SORCS2: variants seen among roughly 807,000 people sequenced by gnomAD.
The protein encoded by SORCS2 is VPS10 domain-containing receptor SorCS2.
In SORCS2, 100 loss-of-function variants were observed where a neutral mutation model predicts 141.6. That is an observed-to-expected ratio of 0.71 (90% CI 0.60 to 0.83). The LOEUF is 0.83. Ranked by LOEUF, SORCS2 falls within the 40% of genes least tolerant of loss-of-function variation. The probability of loss-of-function intolerance (pLI) is 0.00; values close to 1 mark genes in which losing one functional copy is unlikely to be tolerated. For synonymous variants in SORCS2, 789 were observed against 676.9 expected (o/e 1.17, Z -2.57); for missense variants, 1,646 against 1,560.2 (o/e 1.05, Z -0.93).
At chr4:7,479,670 G>T (rs1406379021) in intron 2 of SORCS2, among the ~76,000 whole-genome samples, 4 of 149,984 alleles carry the variant, frequency 2.7e-5, no homozygotes, top group Non-Finnish European at 5.9e-5. Flanking sequence ...TGCATCGGGG[G>T]GCCGTGTCCC....
intron 1 of SORCS2, among the ~76,000 whole-genome samples, 168 bp from the exon 2 acceptor site, chr4:7,396,120 C>G (rs994882755): frequency 2.6e-5 from 4 of 152,202 alleles, no homozygotes; most frequent in Non-Finnish European, 2.9e-5. Context: ...TCTAAGGGCT[C>G]TCATGTAGGG....
intron 3 of SORCS2, among the ~76,000 whole-genome samples, chr4:7,620,932 G>GC (rs1312078459): frequency 1.3e-5 from 2 of 152,102 alleles, no homozygotes; most frequent in African/African-American, 2.4e-5. Context: ...GCCCCCGAGT[G>GC]CCCCCCAAGT....
At chr4:7,725,026 GTGA>G in intron 19 of SORCS2, 125 bp from the exon 20 acceptor site, 1 of 927,456 alleles carries the variant, frequency 1.1e-6, no homozygotes, top group Non-Finnish European at 1.6e-6. Context: ...GGTGGTGGTG[GTGA>G]TGATAGTGGT....
At chr4:7,406,260 G>T (rs993508323) in intron 2 of SORCS2, among the ~76,000 whole-genome samples, 1 of 150,284 alleles carries the variant, frequency 6.7e-6, no homozygotes, top group Non-Finnish European at 1.5e-5. Flanking sequence ...AATGAGTTTG[G>T]AAGTATTCCC....
At chr4:7,317,860 G>A (rs1046636778) in intron 1 of SORCS2, among the ~76,000 whole-genome samples, 7 of 152,126 alleles carry the variant, frequency 4.6e-5, no homozygotes, top group Non-Finnish European at 8.8e-5. Flanking sequence ...CCGAGAACCC[G>A]GTGAGGGCCA....
intron 1 of SORCS2, among the ~76,000 whole-genome samples, chr4:7,311,856 CT>C (rs1560183404): frequency 1.3e-5 from 2 of 151,652 alleles, no homozygotes; most frequent in East Asian, 1.9e-4. Flanking sequence ...CTTTTTCATT[CT>C]TTTTTTAGTT....
chr4:7,688,984 T>A (rs1432234384), intron 10 of SORCS2, among the ~76,000 whole-genome samples: 1 of 152,166 alleles, frequency 6.6e-6, no homozygotes, highest in Non-Finnish European at 1.5e-5. Flanking sequence ...CCAGGGATAC[T>A]GTGGTCACAT....
intron 1 of SORCS2, among the ~76,000 whole-genome samples, chr4:7,299,154 G>A (rs1201033977): frequency 2.0e-5 from 3 of 152,262 alleles, no homozygotes; most frequent in Non-Finnish European, 4.4e-5. Flanking sequence ...GGATGAATAG[G>A]GATGCTTTGC....
chr4:7,527,109 G>A (rs767754220), intron 2 of SORCS2, among the ~76,000 whole-genome samples: 26 of 152,220 alleles, frequency 1.7e-4, no homozygotes, highest in Non-Finnish European at 3.1e-4. Context: ...GGGACCGCCC[G>A]CCCCACCCAC....
intron 1 of SORCS2, among the ~76,000 whole-genome samples, chr4:7,374,091 G>A (rs961676550): frequency 9.2e-5 from 14 of 151,572 alleles, no homozygotes; most frequent in African/African-American, 3.4e-4. Flanking sequence ...TGTCTGTGGT[G>A]CAAGGTTAGG....
At chr4:7,499,674 C>G (rs896124593) in intron 2 of SORCS2, among the ~76,000 whole-genome samples, 2 of 146,096 alleles carry the variant, frequency 1.4e-5, no homozygotes, top group South Asian at 2.1e-4. Flanking sequence ...TCATTTTGCC[C>G]CAGCTGAGCC....
chr4:7,415,747 G>A (rs1421990142), intron 2 of SORCS2, among the ~76,000 whole-genome samples: 1 of 152,240 alleles, frequency 6.6e-6, no homozygotes, highest in African/African-American at 2.4e-5. Flanking sequence ...CACAAGATGT[G>A]AAGAATCGTT....
intron 2 of SORCS2, among the ~76,000 whole-genome samples, chr4:7,411,421 A>T (rs1725300436): frequency 6.6e-6 from 1 of 151,066 alleles, no homozygotes; most frequent in Admixed American, 6.6e-5. Context: ...CCATGTATCC[A>T]TCCACCTATC....
intron 2 of SORCS2, among the ~76,000 whole-genome samples, chr4:7,423,391 C>G (rs961904758): frequency 6.6e-6 from 1 of 152,188 alleles, no homozygotes; most frequent in South Asian, 2.1e-4. Flanking sequence ...GCCTAGAGCT[C>G]TCCTGTGGTG....
At chr4:7,328,150 G>C (rs921203784) in intron 1 of SORCS2, among the ~76,000 whole-genome samples, 2 of 149,264 alleles carry the variant, frequency 1.3e-5, no homozygotes, top group African/African-American at 4.9e-5. Flanking sequence ...CTCAGCCTCC[G>C]GAGTAGCTGG....
chr4:7,403,983 ATATATATATATATAT>A (rs1401753132), intron 2 of SORCS2, among the ~76,000 whole-genome samples: 742 of 20,222 alleles, frequency 0.037, 26 homozygotes, highest in African/African-American at 0.11. Context: ...ATATATATAT[ATATATATATATATAT>A]TTTTTTTTTT....
intron 1 of SORCS2, among the ~76,000 whole-genome samples, chr4:7,295,649 C>T (rs1716998814): frequency 6.6e-6 from 1 of 152,230 alleles, no homozygotes; most frequent in African/African-American, 2.4e-5. Flanking sequence ...GGCAGCCCTA[C>T]TGTAGGCACC....
At chr4:7,699,083 G>C (rs768603132) in intron 12 of SORCS2, among the ~76,000 whole-genome samples, 4 of 152,184 alleles carry the variant, frequency 2.6e-5, no homozygotes, top group Non-Finnish European at 5.9e-5. Context: ...TCAAAAACAT[G>C]AGTTTCCTAG....
intron 11 of SORCS2, among the ~76,000 whole-genome samples, chr4:7,696,343 G>A (rs79580794): frequency 6.6e-6 from 1 of 152,184 alleles, no homozygotes; most frequent in African/African-American, 2.4e-5. Context: ...TCCCAAATCT[G>A]TCTCATCAGA....
Sources: allele counts gnomAD v4.1 joint callset (sites outside exome capture counted in the v4.1 genomes callset), GRCh38; gene constraint gnomAD v4.1.1; transcripts MANE v1.5; gene names NCBI Gene and HGNC (gene_info 2026-07-23, HGNC 2026-07-21).